Variants in PRSS23 observed in about 807,000 individuals in gnomAD.
PRSS23 encodes the protein protease, serine 23.
Under a neutral mutation model 34.7 loss-of-function variants are expected in PRSS23, and 25 were observed. The observed-to-expected ratio is 0.72, with a 90% CI of 0.53 to 1.01. The LOEUF (loss-of-function observed/expected upper bound fraction) is 1.01, where lower values mean the gene tolerates loss of function less well. Ranked by LOEUF, PRSS23 falls within the 50% of genes least tolerant of loss-of-function variation. The pLI, the probability that PRSS23 is intolerant of heterozygous loss-of-function variation, is 0.00. For synonymous variants in PRSS23, 176 were observed against 186.6 expected (o/e 0.94, Z 0.46); for missense variants, 445 against 475.6 (o/e 0.94, Z 0.60).
chr11:86,847,841 G>C (rs1488629728), intron 2 of PRSS23, among the ~76,000 whole-genome samples: 2 of 152,094 alleles, frequency 1.3e-5, no homozygotes, highest in Non-Finnish European at 2.9e-5. Flanking sequence ...AGTCCCTTAC[G>C]TACAGGCTTT....
At chr11:86,885,639 C>T (rs1018457977) in intron 2 of PRSS23, among the ~76,000 whole-genome samples, 2 of 152,228 alleles carry the variant, frequency 1.3e-5, no homozygotes, top group African/African-American at 4.8e-5. Flanking sequence ...TGAACTGCAA[C>T]ATTAGTTCTT....
exon 3 of PRSS23, chr11:86,952,185 A>T: frequency 6.2e-7 from 1 of 1,613,030 alleles, no homozygotes; most frequent in South Asian, 1.1e-5. Flanking sequence ...ACCCAGATGT[A>T]CTGATCAGAA....
At chr11:86,827,744 G>A (rs940875291) in intron 2 of PRSS23, among the ~76,000 whole-genome samples, 9 of 152,092 alleles carry the variant, frequency 5.9e-5, no homozygotes, top group Admixed American at 3.3e-4. Context: ...CCTTCATTTC[G>A]TTATGTACCC....
At position 86,951,361 on chromosome 11, in the gene PRSS23, A is replaced by G. The variant is rs1401312438; in HGVS notation, c.*76A>G. On this transcript the variant is annotated 3_prime_UTR_variant, in exon 3 of 3. Transcript: ENST00000533902. The stretch of plus-strand genomic sequence containing the variant: ...TGTTGGAATCATCTGCAGAATACCG[A>G]AAAAGTGCCCAGTTGGAGATTTCAT... 11 of 1,613,878 alleles carry G rather than the reference A, an allele frequency of 6.8e-6. 1 individual carries two copies. Among genetic ancestry groups the G allele is most frequent in the Non-Finnish European group, 9.3e-6 (11 of 1,179,708 alleles).
intron 2 of PRSS23, among the ~76,000 whole-genome samples, chr11:86,876,054 C>A (rs1015692085): frequency 1.3e-5 from 2 of 152,202 alleles, no homozygotes; most frequent in African/African-American, 4.8e-5. Flanking sequence ...GTACAAGTCA[C>A]TCTGCCTTTC....
chr11:86,805,781 G>A (rs1294146075), intron 1 of PRSS23, among the ~76,000 whole-genome samples: 1 of 152,214 alleles, frequency 6.6e-6, no homozygotes, highest in Non-Finnish European at 1.5e-5. Context: ...TCAGATCATT[G>A]GGATTTTCTA....
intron 2 of PRSS23, among the ~76,000 whole-genome samples, chr11:86,916,906 C>T (rs1377884278): frequency 2.6e-5 from 4 of 152,212 alleles, no homozygotes; most frequent in Admixed American, 6.5e-5. Flanking sequence ...AAGGACAGAG[C>T]TTTATACCTT....
chr11:86,894,369 T>C lies in PRSS23; in HGVS notation c.207-56847T>C, dbSNP rs188764734. Among the ~76,000 whole-genome samples the C allele has an allele frequency of 5.3e-5, 8 of 152,290 alleles. No individual in the cohort carries two copies. In the East Asian group the frequency reaches 1.5e-3, roughly 29 times the overall value. On this transcript the variant is annotated intron_variant, in intron 2 of 2. Coordinates refer to the PRSS23 transcript ENST00000533902. ...TGCCCTGCTAGCAGTTCTCTACAAC[T>C]TACAGAGTTGTAAAATATTTCAAAG... is the stretch of plus-strand genomic sequence containing the variant.
At chr11:86,798,590 G>A (rs779557259), upstream of PRSS23, among the ~76,000 whole-genome samples, 3 of 152,166 alleles carry the variant, frequency 2.0e-5, no homozygotes, top group Non-Finnish European at 2.9e-5. Context: ...TCCAGGAAAC[G>A]TTACTAATTT....
chr11:86,896,557 C>G (rs186442134), intron 2 of PRSS23: 1 of 152,204 alleles, frequency 6.6e-6, no homozygotes, highest in Non-Finnish European at 1.5e-5. Context: ...GATAGAAACC[C>G]TTTTTGTAAT....
In PRSS23 at chr11:86,847,296, T is replaced by G. The variant is rs545156042; in HGVS notation, c.206+23703T>G. 3.3e-4 allele frequency among the ~76,000 whole-genome samples: 51 copies of G among 152,324 alleles called. 2 individuals carry two copies. The highest frequency in any genetic ancestry group is 8.7e-4 in the African/African-American group (36 of 41,580). On this transcript the variant is annotated intron_variant, in intron 2 of 2. Coordinates refer to the PRSS23 transcript ENST00000533902. ...GACCGCATAAAGTGGGCCTTAGCAT[T>G]CAAGCATCAGTGGTGCCCCCAACCC...
chr11:86,831,949 C>T (rs1358032826), intron 2 of PRSS23, among the ~76,000 whole-genome samples: 1 of 151,878 alleles, frequency 6.6e-6, no homozygotes, highest in East Asian at 1.9e-4. Flanking sequence ...TGTGTACACC[C>T]TGTGATATTA....
chr11:86,946,782 A>G (rs1047991516), intron 2 of PRSS23: 1 of 152,468 alleles, frequency 6.6e-6, no homozygotes, highest in Admixed American at 6.5e-5. Flanking sequence ...AGGGAACTCT[A>G]AACTCAAATA....
intron 2 of PRSS23, chr11:86,938,903 A>T (rs1949182126): frequency 2.9e-6 from 1 of 346,216 alleles, no homozygotes; most frequent in African/African-American, 2.2e-5. Context: ...AGTCAGTAAG[A>T]CATATACACC....
At chr11:86,874,565 C>T (rs1948709984) in intron 2 of PRSS23, among the ~76,000 whole-genome samples, 1 of 152,348 alleles carries the variant, frequency 6.6e-6, no homozygotes, top group East Asian at 1.9e-4. Flanking sequence ...CACTACAGTA[C>T]ACCTTCCAGT....
chr11:86,860,818 C>T (rs1042650651), intron 2 of PRSS23, among the ~76,000 whole-genome samples: 1 of 151,742 alleles, frequency 6.6e-6, no homozygotes, highest in Non-Finnish European at 1.5e-5. Context: ...GGGAAATGTA[C>T]GTCACCCTGT....
intron 2 of PRSS23, among the ~76,000 whole-genome samples, chr11:86,870,944 A>G (rs949299334): frequency 2.0e-5 from 3 of 152,230 alleles, no homozygotes; most frequent in African/African-American, 7.2e-5. Context: ...TAGTTGTTTT[A>G]AAGTCTTTGT....
At chr11:86,939,215 C>T in intron 2 of PRSS23, 1 of 286,608 alleles carries the variant, frequency 3.5e-6, no homozygotes, top group South Asian at 3.1e-5. Flanking sequence ...GTGTTTTCTC[C>T]CAAGCAAACA....
intron 2 of PRSS23, chr11:86,940,906 G>C (rs1362940634): frequency 1.3e-5 from 2 of 152,168 alleles, no homozygotes; most frequent in East Asian, 1.9e-4. Context: ...AGGTTCAGAG[G>C]ATACAAGGTA....
Sources: allele counts gnomAD v4.1 joint callset (sites outside exome capture counted in the v4.1 genomes callset), GRCh38; gene constraint gnomAD v4.1.1; transcripts MANE v1.5; gene names NCBI Gene and HGNC (gene_info 2026-07-23, HGNC 2026-07-21).